The following RIGI variants were observed in gnomAD, a reference collection of about 807,000 sequenced individuals.
RIGI encodes the protein antiviral innate immune response receptor RIG-I.
the RIGI span, chr9:32,466,191 A>G: frequency 5.5e-6 from 7 of 1,264,754 alleles, no homozygotes; most frequent in Middle Eastern, 1.9e-4. Context: ...TTGTTGTAAT[A>G]TAACACTCTA....
At chr9:32,506,819 G>A in the RIGI span, among the ~76,000 whole-genome samples, 1 of 152,048 alleles carries the variant, frequency 6.6e-6, no homozygotes, top group Non-Finnish European at 1.5e-5. Context: ...TTAACTGGCT[G>A]TTCTTTTTGC....
chr9:32,505,549 A>C, the RIGI span, among the ~76,000 whole-genome samples: 2 of 152,220 alleles, frequency 1.3e-5, no homozygotes, highest in Non-Finnish European at 2.9e-5. Flanking sequence ...AGTTTTCTTC[A>C]TATCATTTCA....
At chr9:32,470,197 A>G in the RIGI span, among the ~76,000 whole-genome samples, 3 of 152,216 alleles carry the variant, frequency 2.0e-5, no homozygotes, top group African/African-American at 7.2e-5. Context: ...AATGATGAGC[A>G]TTGTGGACCA....
chr9:32,460,153 C>T, the RIGI span, among the ~76,000 whole-genome samples: 4 of 152,130 alleles, frequency 2.6e-5, no homozygotes, highest in East Asian at 1.9e-4. Context: ...TTTCTCTTGC[C>T]GCTGCCATGT....
the RIGI span, among the ~76,000 whole-genome samples, chr9:32,476,049 C>T: frequency 1.1e-4 from 17 of 151,898 alleles, no homozygotes; most frequent in African/African-American, 4.1e-4. Flanking sequence ...AGTTACAGAT[C>T]GCTAACAAGC....
the RIGI span, chr9:32,526,057 T>A: frequency 6.2e-7 from 1 of 1,608,854 alleles, no homozygotes; most frequent in Non-Finnish European, 8.5e-7. Flanking sequence ...CTGGAGACAC[T>A]CACCCTCCCT....
chr9:32,518,364 C>T, the RIGI span, among the ~76,000 whole-genome samples: 56,090 of 147,686 alleles, frequency 0.38, 11,765 homozygotes, highest in South Asian at 0.53. Context: ...TTTTTTTTGT[C>T]CTAAAGTAAA....
At chr9:32,457,084 T>G in the RIGI span, 1 of 1,535,470 alleles carries the variant, frequency 6.5e-7, no homozygotes, top group East Asian at 2.3e-5. Context: ...CCACTCAAAG[T>G]TACTCATTCC....
chr9:32,496,669 G>A, the RIGI span, among the ~76,000 whole-genome samples: 1 of 152,172 alleles, frequency 6.6e-6, no homozygotes, highest in Non-Finnish European at 1.5e-5. Flanking sequence ...ACACATACAT[G>A]TAAGTAACAA....
chr9:32,472,449 TTCA>T, the RIGI span, among the ~76,000 whole-genome samples: 1 of 152,202 alleles, frequency 6.6e-6, no homozygotes, highest in Non-Finnish European at 1.5e-5. Flanking sequence ...TTCCCAGTAA[TTCA>T]TCTAGGTACT....
At chr9:32,503,011 AG>A in the RIGI span, among the ~76,000 whole-genome samples, 1 of 152,188 alleles carries the variant, frequency 6.6e-6, no homozygotes, top group Non-Finnish European at 1.5e-5. Context: ...TATTTTGGGT[AG>A]GGGGACACAA....
the RIGI span, among the ~76,000 whole-genome samples, chr9:32,462,091 C>G: frequency 6.6e-6 from 1 of 152,136 alleles, no homozygotes; most frequent in African/African-American, 2.4e-5. Context: ...GTTCTACCAA[C>G]TCTACCATGA....
the RIGI span, among the ~76,000 whole-genome samples, chr9:32,464,242 C>T: frequency 6.6e-6 from 1 of 152,138 alleles, no homozygotes; most frequent in Non-Finnish European, 1.5e-5. Flanking sequence ...TCCGTTAAAA[C>T]CCATATACAG....
At chr9:32,506,082 G>T in the RIGI span, among the ~76,000 whole-genome samples, 1 of 152,156 alleles carries the variant, frequency 6.6e-6, no homozygotes, top group African/African-American at 2.4e-5. Flanking sequence ...GCCAGGCGTG[G>T]TGGCTTGCAC....
the RIGI span, among the ~76,000 whole-genome samples, chr9:32,510,356 C>A: frequency 6.6e-6 from 1 of 152,252 alleles, no homozygotes; most frequent in African/African-American, 2.4e-5. Context: ...GAGTTACTCA[C>A]AAAGGGAAGC....
At chr9:32,469,623 G>A in the RIGI span, among the ~76,000 whole-genome samples, 1 of 152,222 alleles carries the variant, frequency 6.6e-6, no homozygotes. Flanking sequence ...GCGTAAGTGG[G>A]TTTCTGTTAA....
the RIGI span, among the ~76,000 whole-genome samples, chr9:32,506,272 T>G: frequency 2.6e-5 from 4 of 152,222 alleles, no homozygotes; most frequent in East Asian, 3.9e-4. Context: ...AAGGAAGGAA[T>G]GAATGTTAAT....
the RIGI span, among the ~76,000 whole-genome samples, chr9:32,522,865 C>A: frequency 2.4e-3 from 371 of 152,180 alleles, 1 homozygote; most frequent in Non-Finnish European, 3.5e-3. Flanking sequence ...ACAATTCTTT[C>A]GAATAAACAT....
At chr9:32,513,457 G>A in the RIGI span, among the ~76,000 whole-genome samples, 1 of 152,108 alleles carries the variant, frequency 6.6e-6, no homozygotes, top group Non-Finnish European at 1.5e-5. Flanking sequence ...TGACAACCCT[G>A]ACAAAAAGAA....
Sources: allele counts gnomAD v4.1 joint callset (sites outside exome capture counted in the v4.1 genomes callset), GRCh38; gene constraint gnomAD v4.1.1; transcripts MANE v1.5; gene names NCBI Gene and HGNC (gene_info 2026-07-23, HGNC 2026-07-21).